Variants in NPSR1 observed in about 807,000 individuals in gnomAD.
NPSR1 encodes neuropeptide S receptor 1.
NPSR1 carries 48 observed loss-of-function variants against 46.9 expected under a neutral mutation model. That is an observed-to-expected ratio of 1.02 (90% CI 0.81 to 1.30). NPSR1 has a LOEUF of 1.30. Ranked by LOEUF, NPSR1 falls within the 50% of genes most tolerant of loss-of-function variation. The pLI, the probability that NPSR1 is intolerant of heterozygous loss-of-function variation, is 0.00. For synonymous variants in NPSR1, 176 were observed against 168.1 expected (o/e 1.05, Z -0.36); for missense variants, 450 against 449.5 (o/e 1.00, Z -0.01).
At chr7:34,796,185 A>T (rs1788162299) in intron 3 of NPSR1, among the ~76,000 whole-genome samples, 1 of 152,168 alleles carries the variant, frequency 6.6e-6, no homozygotes, top group South Asian at 2.1e-4. Context: ...ACAAGAAGAC[A>T]TCCACACGCC....
At chr7:34,670,279 T>C (rs1791983391) in intron 1 of NPSR1, among the ~76,000 whole-genome samples, 1 of 152,084 alleles carries the variant, frequency 6.6e-6, no homozygotes, top group Non-Finnish European at 1.5e-5. Context: ...GATGGATCAA[T>C]AATAAGAAAT....
downstream of NPSR1, among the ~76,000 whole-genome samples, chr7:34,851,393 C>T (rs1324633181): frequency 6.6e-6 from 1 of 151,684 alleles, no homozygotes; most frequent in Non-Finnish European, 1.5e-5. Context: ...TCCTCACTCA[C>T]CATCTCTCGG....
At chr7:34,863,759 C>A (rs771169724) in intron 8 of NPSR1, among the ~76,000 whole-genome samples, 1 of 151,734 alleles carries the variant, frequency 6.6e-6, no homozygotes, top group East Asian at 1.9e-4. Context: ...GAAATAGGAA[C>A]GCTTTTACAC....
intron 1 of NPSR1, among the ~76,000 whole-genome samples, chr7:34,671,962 T>C (rs1196228036): frequency 3.3e-5 from 5 of 152,156 alleles, no homozygotes; most frequent in African/African-American, 7.2e-5. Context: ...GAAAACAAAT[T>C]CCTGAAGGTT....
chr7:34,675,028 A>G (rs1164270513), intron 1 of NPSR1, among the ~76,000 whole-genome samples: 2 of 152,366 alleles, frequency 1.3e-5, no homozygotes, highest in East Asian at 1.9e-4. Flanking sequence ...TGGTCTTTCC[A>G]GTTAAGCAAA....
At chr7:34,665,803 C>T (rs541795083) in intron 1 of NPSR1, among the ~76,000 whole-genome samples, 1 of 152,190 alleles carries the variant, frequency 6.6e-6, no homozygotes, top group South Asian at 2.1e-4. Context: ...TACACACACA[C>T]ACACGCATAC....
chr7:34,783,977 A>C (rs1034876806), intron 3 of NPSR1, among the ~76,000 whole-genome samples: 5 of 152,120 alleles, frequency 3.3e-5, no homozygotes, highest in Non-Finnish European at 7.4e-5. Context: ...AGAGTTCATC[A>C]CCACCAAACC....
At chr7:34,673,520 C>A (rs1261319087) in intron 1 of NPSR1, among the ~76,000 whole-genome samples, 1 of 152,172 alleles carries the variant, frequency 6.6e-6, no homozygotes, top group Non-Finnish European at 1.5e-5. Flanking sequence ...CAGTTCACAA[C>A]TACTTGGAAC....
chr7:34,660,210 G>A lies in NPSR1; in HGVS notation c.147+1651G>A, dbSNP rs1292308418. On this transcript the variant is annotated intron_variant, in intron 1 of 8. Transcript: ENST00000360581. ...TTGCAGCAAAACGGCTGGACCACTG[G>A]ACAAGGAGAAAAGCAGAAAGACAGG... 5 of 448,520 alleles carry A rather than the reference G, an allele frequency of 1.1e-5. No homozygotes were observed. In the Middle Eastern group the frequency reaches 9.8e-4, roughly 88 times the overall value. 27.8% of individuals were successfully genotyped at this position (448,520 alleles called of 1,614,324 possible).
chr7:34,780,355 A>G (rs1787175809), intron 3 of NPSR1, among the ~76,000 whole-genome samples: 1 of 152,208 alleles, frequency 6.6e-6, no homozygotes, highest in Non-Finnish European at 1.5e-5. Context: ...TTCTTGATTT[A>G]GAAATATTCA....
chr7:34,720,175 G>A (rs1204661852), intron 2 of NPSR1, among the ~76,000 whole-genome samples: 1 of 151,830 alleles, frequency 6.6e-6, no homozygotes, highest in East Asian at 1.9e-4. Flanking sequence ...AGGTACTGAA[G>A]AGGCTGAGGG....
At chr7:34,828,934 A>G (rs60574475) in intron 5 of NPSR1, among the ~76,000 whole-genome samples, 9,039 of 152,232 alleles carry the variant, frequency 0.059, 500 homozygotes, top group African/African-American at 0.15. Flanking sequence ...CCCTGACCCA[A>G]TGGAAGGTAG....
chr7:34,755,105 T>G (rs542208630), intron 2 of NPSR1, among the ~76,000 whole-genome samples: 28 of 152,384 alleles, frequency 1.8e-4, no homozygotes, highest in African/African-American at 6.0e-4. Flanking sequence ...TGTACAACTT[T>G]CTGTGTGGAC....
At chr7:34,694,886 T>G (rs1168832421) in intron 2 of NPSR1, among the ~76,000 whole-genome samples, 1 of 152,144 alleles carries the variant, frequency 6.6e-6, no homozygotes, top group African/African-American at 2.4e-5. Context: ...ATTTTTGTAT[T>G]TTTAGTAGAG....
intron 8 of NPSR1, among the ~76,000 whole-genome samples, chr7:34,857,345 C>A (rs1791073398): frequency 6.6e-6 from 1 of 151,664 alleles, no homozygotes; most frequent in Non-Finnish European, 1.5e-5. Context: ...GAGAGCTTAA[C>A]TAACCACATA....
At chr7:34,802,418 T>C (rs1788467868) in intron 3 of NPSR1, among the ~76,000 whole-genome samples, 1 of 149,968 alleles carries the variant, frequency 6.7e-6, no homozygotes, top group Admixed American at 6.6e-5. Context: ...GCCGCATATC[T>C]ACAACTATCT....
At chr7:34,666,164 T>A (rs578204636) in intron 1 of NPSR1, among the ~76,000 whole-genome samples, 85 of 152,368 alleles carry the variant, frequency 5.6e-4, no homozygotes, top group African/African-American at 2.0e-3. Flanking sequence ...AGCCATGTTC[T>A]ATATTATTTA....
At chr7:34,726,342 C>T (rs1374417491) in intron 2 of NPSR1, among the ~76,000 whole-genome samples, 1 of 152,168 alleles carries the variant, frequency 6.6e-6, no homozygotes. Flanking sequence ...TGGCCACCAT[C>T]CAGAACACTG....
chr7:34,790,974 TTATATGTTATATTA>T (rs1297143511), intron 3 of NPSR1, among the ~76,000 whole-genome samples: 8 of 72,302 alleles, frequency 1.1e-4, no homozygotes, highest in African/African-American at 1.9e-4. Flanking sequence ...ATTATATATG[TTATATGTTATATTA>T]TATATGTTAT....
Sources: gnomAD v4.1 joint callset for allele counts (sites outside exome capture counted in the v4.1 genomes callset) on GRCh38, gnomAD v4.1.1 for gene constraint, MANE v1.5 for transcripts, NCBI Gene and HGNC (gene_info 2026-07-23, HGNC 2026-07-21) for gene names.